Variants in ATP2B4 observed in about 807,000 individuals in gnomAD.
The protein encoded by ATP2B4 is ATPase plasma membrane Ca2+ transporting 4.
A neutral mutation model predicts 110.3 loss-of-function variants in ATP2B4; 39 were observed. The observed-to-expected ratio is 0.35, with a 90% CI of 0.27 to 0.46. The LOEUF is 0.46. Among genes scored for constraint, ATP2B4 ranks in the 20% least tolerant of loss-of-function variants. The probability of loss-of-function intolerance (pLI) is 1.00; values close to 1 mark genes in which losing one functional copy is unlikely to be tolerated. For synonymous variants in ATP2B4, 538 were observed against 571.7 expected (o/e 0.94, Z 0.84); for missense variants, 1,135 against 1,530.9 (o/e 0.74, Z 4.32).
At chr1:203,630,632 C>G (rs1308919870) in intron 1 of ATP2B4, among the ~76,000 whole-genome samples, 1 of 152,212 alleles carries the variant, frequency 6.6e-6, no homozygotes, top group African/African-American at 2.4e-5. Flanking sequence ...CTATCCTTCT[C>G]TGGAAGGATT....
intron 1 of ATP2B4, among the ~76,000 whole-genome samples, chr1:203,665,712 A>C (rs941653450): frequency 2.0e-5 from 3 of 151,048 alleles, no homozygotes; most frequent in Non-Finnish European, 2.9e-5. Flanking sequence ...AGGCAGGAGA[A>C]TCACTTGAAC....
chr1:203,704,467 CTTTTTTTTTT>C (rs35019828), intron 8 of ATP2B4, among the ~76,000 whole-genome samples: 7 of 68,792 alleles, frequency 1.0e-4, no homozygotes, highest in East Asian at 5.4e-4. Context: ...AAGGAACAGT[CTTTTTTTTTT>C]TTTTTTTTTT....
chr1:203,738,630 C>T (rs925528922), intron 20 of ATP2B4, among the ~76,000 whole-genome samples: 3 of 152,178 alleles, frequency 2.0e-5, no homozygotes, highest in African/African-American at 7.2e-5. Context: ...CTTTCATTCC[C>T]TTCTCCACAT....
intron 1 of ATP2B4, among the ~76,000 whole-genome samples, chr1:203,649,022 T>C (rs994775395): frequency 2.0e-5 from 3 of 152,204 alleles, no homozygotes; most frequent in Admixed American, 2.0e-4. Context: ...GTGACAAGAA[T>C]CACTTGAAAT....
chr1:203,647,556 C>T (rs765415038), intron 1 of ATP2B4, among the ~76,000 whole-genome samples: 6 of 152,114 alleles, frequency 3.9e-5, no homozygotes, highest in Non-Finnish European at 7.4e-5. Context: ...CCCAAGAGTT[C>T]GAGACCAGCC....
intron 1 of ATP2B4, among the ~76,000 whole-genome samples, chr1:203,664,101 C>G (rs1664432204): frequency 6.6e-6 from 1 of 152,196 alleles, no homozygotes; most frequent in African/African-American, 2.4e-5. Context: ...TGTCAGAGTG[C>G]TTTGAAAACT....
chr1:203,641,806 AG>A (rs1663639175), intron 1 of ATP2B4, among the ~76,000 whole-genome samples: 1 of 152,210 alleles, frequency 6.6e-6, no homozygotes, highest in Non-Finnish European at 1.5e-5. Flanking sequence ...ACACAAAAAA[AG>A]GTTATTTACT....
rs186064684 is a variant in ATP2B4, at chr1:203,706,848, T to C, written c.1100-161T>C. ...CCACTGTCTGTTCCCTATGCTATAA[T>C]GTACAAGCAACAGAGAATGGGGGGG... On this transcript the variant is annotated intron_variant, in intron 8 of 20. Transcript: ENST00000357681. 4.6e-5 allele frequency among the ~76,000 whole-genome samples: 7 copies of C among 152,272 alleles called. No homozygotes were observed. The East Asian group carries it at 9.7e-4, about 21-fold the overall frequency.
At position 203,709,537 on chromosome 1, in the gene ATP2B4, G is replaced by T; in HGVS notation, c.1794G>T (p.Leu598Phe). ...GCAAGGGCGCCTCTGAGATCATCTT[G>T]CGCAAGTGAGCACCCCCGACCACTC... ...MYSKGASEII[L>F]RKCNRILDRK... Residue 598 changes from leucine to phenylalanine, a missense_variant, in exon 11 of 21, where the codon TTG becomes TTT. By Grantham distance (22) the Leu-to-Phe change is conservative. Around this residue, in one of 9 missense-constraint regions of ATP2B4, gnomAD observed 368 missense variants for 455.9 expected, o/e 0.81. Coordinates refer to ENST00000357681, the MANE Select transcript of ATP2B4 (RefSeq NM_001684.5). 2 of 1,614,154 alleles carry T rather than the reference G, an allele frequency of 1.2e-6. No homozygotes were observed. Among genetic ancestry groups the T allele is most frequent in the Non-Finnish European group, 1.7e-6 (2 of 1,180,028 alleles).
At chr1:203,674,548 A>C (rs1664771253) in intron 1 of ATP2B4, among the ~76,000 whole-genome samples, 1 of 149,408 alleles carries the variant, frequency 6.7e-6, no homozygotes, top group African/African-American at 2.5e-5. Flanking sequence ...ATCTCAGCTC[A>C]CTGCAACCTC....
At position 203,720,547 on chromosome 1, in the gene ATP2B4, A is replaced by G. The variant is rs1558050646; in HGVS notation, c.2407-2A>G. On this transcript the variant is annotated splice_acceptor_variant, in intron 15 of 20. Transcript: ENST00000357681. LOFTEE classifies it high-confidence loss of function. Reference sequence around the variant, plus strand: ...ACTGTTTTCCCTCCCATCTTACCTCAGGGCATCGCAGGCACAGATGTAGCA... The same window carrying G: ...ACTGTTTTCCCTCCCATCTTACCTCGGGGCATCGCAGGCACAGATGTAGCA... The G allele has an allele frequency of 6.3e-7, 1 of 1,598,524 alleles. No individual in the cohort carries two copies. Among genetic ancestry groups the G allele is most frequent in the Non-Finnish European group, 8.5e-7 (1 of 1,171,644 alleles).
At chr1:203,681,548 G>T (rs1223881545) in intron 1 of ATP2B4, among the ~76,000 whole-genome samples, 1 of 152,128 alleles carries the variant, frequency 6.6e-6, no homozygotes, top group Non-Finnish European at 1.5e-5. Flanking sequence ...CATTTAAAAG[G>T]CTGATGTGTG....
intron 1 of ATP2B4, among the ~76,000 whole-genome samples, chr1:203,664,977 G>A (rs1225013627): frequency 2.0e-5 from 3 of 152,074 alleles, no homozygotes; most frequent in East Asian, 1.9e-4. Context: ...GACTACAGGC[G>A]CCTGCCACCG....
At chr1:203,667,476 C>A (rs1164128436) in intron 1 of ATP2B4, among the ~76,000 whole-genome samples, 2 of 152,234 alleles carry the variant, frequency 1.3e-5, no homozygotes, top group Non-Finnish European at 2.9e-5. Context: ...CTTCTTTCCT[C>A]TTCTCACAAT....
chr1:203,652,828 ATC>A (rs1313306232), intron 1 of ATP2B4, among the ~76,000 whole-genome samples: 1 of 152,218 alleles, frequency 6.6e-6, no homozygotes, highest in Admixed American at 6.5e-5. Flanking sequence ...GCTGTTCTTC[ATC>A]TCTCTCTTTC....
In ATP2B4 at chr1:203,728,336, C is replaced by T. The variant is rs115060791; in HGVS notation, c.3309+765C>T. The stretch of plus-strand genomic sequence containing the variant: ...TCCATGCATCAATTGTAACTACTTT[C>T]TCCTGGGTGAATGCGCTGATCTAAG... On this transcript the variant is annotated intron_variant, in intron 20 of 20. Transcript: ENST00000357681. 3.6e-3 allele frequency: 1,311 copies of T among 362,194 alleles called. 17 individuals are homozygous for T. Among genetic ancestry groups the T allele is most frequent in the African/African-American group, 0.024 (1,130 of 46,868 alleles). 22.4% of individuals were successfully genotyped at this position (362,194 alleles called of 1,614,324 possible).
At chr1:203,631,839 G>A (rs1245383449) in intron 1 of ATP2B4, among the ~76,000 whole-genome samples, 1 of 152,172 alleles carries the variant, frequency 6.6e-6, no homozygotes, top group Non-Finnish European at 1.5e-5. Context: ...CTGTCGCCCA[G>A]GCTGGAGTGC....
chr1:203,732,820 A>G (rs1481629964), intron 20 of ATP2B4, among the ~76,000 whole-genome samples: 2 of 151,990 alleles, frequency 1.3e-5, no homozygotes. Flanking sequence ...ATCTCAAAAA[A>G]AAAAAAAAAG....
chr1:203,681,933 TAG>T (rs1665026874), intron 1 of ATP2B4, among the ~76,000 whole-genome samples: 1 of 147,010 alleles, frequency 6.8e-6, no homozygotes, highest in Admixed American at 6.7e-5. Flanking sequence ...TCCCCTTTAC[TAG>T]AAAAAAAAAA....
Sources: allele counts gnomAD v4.1 joint callset (sites outside exome capture counted in the v4.1 genomes callset), GRCh38; gene constraint gnomAD v4.1.1; regional missense constraint gnomAD v4.1.1; transcripts MANE v1.5; gene names NCBI Gene and HGNC (gene_info 2026-07-23, HGNC 2026-07-21).